RABL6: variants seen among roughly 807,000 people sequenced by gnomAD.
The protein encoded by RABL6 is RAB, member RAS oncogene family like 6.
Under a neutral mutation model 72.9 loss-of-function variants are expected in RABL6, and 28 were observed. The ratio of observed to expected loss-of-function variants is 0.38; its 90% CI spans 0.28 to 0.53. The LOEUF is 0.53. RABL6 is among the 20% of genes least tolerant of loss of function. RABL6 has a pLI of 0.80. For missense variants in RABL6, 1,029 were observed against 1,008.4 expected, an observed-to-expected ratio of 1.02 and a Z score of -0.28; for synonymous variants, 477 against 421.2, an observed-to-expected ratio of 1.13 and a Z score of -1.62.
At chr9:136,833,545 C>T (rs1848525401) in intron 7 of RABL6, 5 of 857,582 alleles carry the variant, frequency 5.8e-6, no homozygotes, top group African/African-American at 1.7e-5. Context: ...GTCTGGGGGA[C>T]CTGAATCTCC....
chr9:136,808,079 G>C lies in RABL6; in HGVS notation c.-118G>C, dbSNP rs1847905033. On this transcript the variant is annotated 5_prime_UTR_variant, in exon 1 of 15. Transcript: ENST00000311502. ...GCCGCCGGGACCCCGGCCTCTGGCCGCGCCGGCTCCGGCCTCCGGGGGGGC... is the reference window on the plus strand; with the variant it reads ...GCCGCCGGGACCCCGGCCTCTGGCCCCGCCGGCTCCGGCCTCCGGGGGGGC... 1.7e-6 allele frequency: 2 copies of C among 1,160,268 alleles called. No homozygotes were observed. The highest frequency in any genetic ancestry group is 2.1e-6 in the Non-Finnish European group (2 of 935,370). The allele number at this position is 1,160,268 out of a possible 1,614,324, so 71.9% of individuals were successfully genotyped here.
chr9:136,813,399 C>G, intron 1 of RABL6: 1 of 931,312 alleles, frequency 1.1e-6, no homozygotes, highest in East Asian at 2.7e-5. Flanking sequence ...GTTGCTTAAA[C>G]CAGAGTTTTT....
At chr9:136,810,371 G>A (rs1483102085) in intron 1 of RABL6, among the ~76,000 whole-genome samples, 1 of 152,170 alleles carries the variant, frequency 6.6e-6, no homozygotes, top group Non-Finnish European at 1.5e-5. Flanking sequence ...TTGGAGAACA[G>A]GTTATGATCT....
intron 13 of RABL6, 142 bp from the exon 14 acceptor site, chr9:136,840,012 T>C: frequency 6.8e-7 from 1 of 1,475,770 alleles, no homozygotes; most frequent in East Asian, 2.3e-5. Context: ...GGAGCTGATG[T>C]TTGCAGTGTG....
At chr9:136,829,917 G>A (rs966714712) in intron 5 of RABL6, among the ~76,000 whole-genome samples, 28 of 152,228 alleles carry the variant, frequency 1.8e-4, no homozygotes, top group African/African-American at 5.5e-4. Flanking sequence ...CACACAGGAC[G>A]ATCTCTGGGG....
At chr9:136,828,226 G>T in intron 3 of RABL6, 1 of 456,234 alleles carries the variant, frequency 2.2e-6, no homozygotes, top group Non-Finnish European at 4.0e-6. Context: ...TCCCACCGCA[G>T]CCTGTCCAGG....
In RABL6 at chr9:136,808,343, G is replaced by C; in HGVS notation, c.130+17G>C. 1 of 1,486,898 alleles carries C rather than the reference G, an allele frequency of 6.7e-7. No homozygotes were observed. The highest frequency in any genetic ancestry group is 8.9e-7 in the Non-Finnish European group (1 of 1,118,762). 92.1% of individuals were successfully genotyped at this position (1,486,898 alleles called of 1,614,324 possible). ...AGTACAACAGTGAGTGCGGCGGGCC[G>C]GGGGGGCGCGGGAGCGCCGCGCGGG... On this transcript the variant is annotated intron_variant, in intron 1 of 14. Transcript: ENST00000311502.
chr9:136,818,257 G>A (rs1268515189), intron 1 of RABL6, among the ~76,000 whole-genome samples: 1 of 149,944 alleles, frequency 6.7e-6, no homozygotes, highest in Non-Finnish European at 1.5e-5. Flanking sequence ...CAGCTACTTA[G>A]GAGGCTGAGG....
chr9:136,831,482 G>T (rs536383772), intron 5 of RABL6, among the ~76,000 whole-genome samples: 59 of 152,302 alleles, frequency 3.9e-4, no homozygotes, highest in African/African-American at 1.1e-3. Flanking sequence ...TCCAGTGTGG[G>T]GTGCGGTCAA....
At chr9:136,810,381 T>G (rs995947670) in intron 1 of RABL6, among the ~76,000 whole-genome samples, 3 of 152,176 alleles carry the variant, frequency 2.0e-5, no homozygotes, top group African/African-American at 7.2e-5. Flanking sequence ...GGTTATGATC[T>G]CCTAGAACTG....
chr9:136,808,810 A>C (rs1393332558), intron 1 of RABL6: 1 of 150,268 alleles, frequency 6.7e-6, no homozygotes, highest in Non-Finnish European at 1.5e-5. Flanking sequence ...GTTTGAAGAC[A>C]GAATATTAGC....
intron 3 of RABL6, 85 bp from the exon 4 acceptor site, chr9:136,828,409 T>C: frequency 1.4e-6 from 2 of 1,387,106 alleles, no homozygotes; most frequent in Non-Finnish European, 2.0e-6. Flanking sequence ...AGCTGGGGGC[T>C]GAGTGGCCAT....
At chr9:136,816,718 A>C (rs971831825) in intron 1 of RABL6, among the ~76,000 whole-genome samples, 1 of 137,846 alleles carries the variant, frequency 7.3e-6, no homozygotes, top group South Asian at 2.8e-4. Context: ...CTCTGTCTCA[A>C]AAAAAAGGGG....
intron 1 of RABL6, among the ~76,000 whole-genome samples, chr9:136,817,574 TGGGGAGGCCGACGTGGGCTGA>T (rs879603818): frequency 9.6e-6 from 1 of 104,674 alleles, no homozygotes; most frequent in Non-Finnish European, 2.0e-5. Context: ...ACGTGGGCTG[TGGGGAGGCCGACGTGGGCTGA>T]GGGGAGGCCG....
chr9:136,841,139 T>C lies in RABL6; in HGVS notation c.*617T>C. The C allele has an allele frequency of 2.9e-6, 3 of 1,043,126 alleles. No homozygotes were observed. The highest frequency in any genetic ancestry group is 3.9e-6 in the Non-Finnish European group (3 of 769,982). 64.6% of individuals were successfully genotyped at this position (1,043,126 alleles called of 1,614,324 possible). On this transcript the variant is annotated 3_prime_UTR_variant, in exon 15 of 15. Coordinates refer to ENST00000311502, the MANE Select transcript of RABL6 (RefSeq NM_024718.5). ...CCCGAAGGCAGGAGCCGGGAGGCAC[T>C]CCTCCCAAACACTCCACTCAGACCA...
In RABL6 at chr9:136,839,770, C is replaced by T. The variant is rs775826105; in HGVS notation, c.1835C>T (p.Pro612Leu). The change falls in exon 13 of 15, where the codon CCC (proline) becomes CTC (leucine). Residue 612 changes from proline to leucine, a missense_variant. By Grantham distance (98) the Pro-to-Leu change is moderately conservative. Around this residue, in one of 2 missense-constraint regions of RABL6, gnomAD observed 595 missense variants for 472.4 expected, o/e 1.26. Coordinates refer to ENST00000311502, the MANE Select transcript of RABL6 (RefSeq NM_024718.5). ...DEGPAEPPPP[P>L]KLPLPAFRLK... ...GGCCCTGCCGAGCCGCCCCCACCCCCCAAGCTCCCTCTCCCCGCCTTCAGA... is the reference window on the plus strand; with the variant it reads ...GGCCCTGCCGAGCCGCCCCCACCCCTCAAGCTCCCTCTCCCCGCCTTCAGA... 5.0e-6 allele frequency: 8 copies of T among 1,612,778 alleles called. No individual in the cohort carries two copies. The highest frequency in any genetic ancestry group is 1.7e-4 in the Middle Eastern group (1 of 6,060).
At chr9:136,838,100 G>A (rs746079359) in intron 10 of RABL6, 85 bp downstream of exon 10, 21 of 1,489,116 alleles carry the variant, frequency 1.4e-5, no homozygotes, top group Non-Finnish European at 1.9e-5. Context: ...CTTTCTAGGG[G>A]CGCAGAAGGG....
chr9:136,815,928 A>G (rs969571035), intron 1 of RABL6, among the ~76,000 whole-genome samples: 1 of 152,204 alleles, frequency 6.6e-6, no homozygotes, highest in African/African-American at 2.4e-5. Context: ...GTAAAAGAGC[A>G]GGTTTACCAT....
At chr9:136,818,393 A>C (rs1431556811) in intron 1 of RABL6, among the ~76,000 whole-genome samples, 15 of 27,876 alleles carry the variant, frequency 5.4e-4, no homozygotes, top group South Asian at 3.2e-3. Context: ...AAAAAAAAAA[A>C]AAAAAAAAAA....
Sources: gnomAD v4.1 joint callset for allele counts (sites outside exome capture counted in the v4.1 genomes callset) on GRCh38, gnomAD v4.1.1 for gene constraint, gnomAD v4.1.1 regional missense constraint, MANE v1.5 for transcripts, NCBI Gene and HGNC (gene_info 2026-07-23, HGNC 2026-07-21) for gene names.